Variants in ARL10 observed in about 807,000 individuals in gnomAD.
ARL10 encodes the protein ADP-ribosylation factor-like protein 10.
Under a neutral mutation model 26.1 loss-of-function variants are expected in ARL10, and 23 were observed. That is an observed-to-expected ratio of 0.88 (90% CI 0.63 to 1.25). The LOEUF is 1.25. Among genes scored for constraint, ARL10 ranks in the 50% most tolerant of loss-of-function variants. ARL10 has a pLI of 0.00. For synonymous variants in ARL10, 138 were observed against 149.1 expected, an observed-to-expected ratio of 0.93 and a Z score of 0.54; for missense variants, 300 against 323.6, an observed-to-expected ratio of 0.93 and a Z score of 0.56.
downstream of ARL10, among the ~76,000 whole-genome samples, chr5:176,382,452 G>A (rs903876527): frequency 5.3e-5 from 8 of 152,190 alleles, no homozygotes; most frequent in Non-Finnish European, 7.3e-5. Flanking sequence ...GGGTGGCAGC[G>A]AGCATGCAGA....
chr5:176,392,609 G>C, downstream of ARL10: 1 of 691,934 alleles, frequency 1.4e-6, no homozygotes, highest in Admixed American at 2.7e-5. This position sits in a 1 kb window ranked among gnomAD's most constrained non-coding sequence, Gnocchi z 5.2. Flanking sequence ...CCAGGAGGGA[G>C]CGAGGCGTGA....
At chr5:176,367,695 C>A (rs571604812) in intron 2 of ARL10, among the ~76,000 whole-genome samples, 116 of 152,370 alleles carry the variant, frequency 7.6e-4, no homozygotes, top group African/African-American at 2.6e-3. Flanking sequence ...GGAATGCTTT[C>A]CTCTGCCTCT....
chr5:176,394,275 A>G (rs1283678822), intron 1 of ARL10, among the ~76,000 whole-genome samples: 2 of 152,236 alleles, frequency 1.3e-5, no homozygotes, highest in Non-Finnish European at 2.9e-5. Context: ...TGGCATCAGC[A>G]TGACGACAGA....
chr5:176,395,253 AAGGTCTTGCATCTCT>A (rs1168939081), intron 1 of ARL10, among the ~76,000 whole-genome samples: 1 of 152,116 alleles, frequency 6.6e-6, no homozygotes, highest in African/African-American at 2.4e-5. Context: ...AGGTCAGCTG[AAGGTCTTGCATCTCT>A]GAAGCCTGCC....
At chr5:176,409,006 T>C in the ARL10 span, among the ~76,000 whole-genome samples, 1 of 152,180 alleles carries the variant, frequency 6.6e-6, no homozygotes, top group Non-Finnish European at 1.5e-5. Context: ...GATAGAGTTT[T>C]GCTCTTGTTG....
chr5:176,397,308 C>T (rs1756572420), intron 1 of ARL10, among the ~76,000 whole-genome samples: 1 of 150,332 alleles, frequency 6.7e-6, no homozygotes, highest in African/African-American at 2.5e-5. Flanking sequence ...CCCCACAGCC[C>T]CTCTCATGTC....
the ARL10 span, among the ~76,000 whole-genome samples, chr5:176,413,835 A>T: frequency 6.6e-6 from 1 of 152,120 alleles, no homozygotes; most frequent in Non-Finnish European, 1.5e-5. Flanking sequence ...CCAACTAAGG[A>T]GGGCAGCTGA....
the ARL10 span, among the ~76,000 whole-genome samples, chr5:176,407,090 C>G: frequency 1.3e-5 from 2 of 152,162 alleles, no homozygotes; most frequent in African/African-American, 2.4e-5. Context: ...AATAAGAGTT[C>G]TCACTCAGAT....
At chr5:176,403,251 T>C (rs922527312), downstream of ARL10, among the ~76,000 whole-genome samples, 3 of 152,056 alleles carry the variant, frequency 2.0e-5, no homozygotes, top group Non-Finnish European at 4.4e-5. Flanking sequence ...GGTTTTGCCA[T>C]GTTGGCCAGA....
chr5:176,405,745 C>T (rs1757082163), downstream of ARL10: 1 of 152,052 alleles, frequency 6.6e-6, no homozygotes, highest in African/African-American at 2.4e-5. Context: ...AGGGGCTGGG[C>T]TTTACATCCC....
At chr5:176,370,239 C>T (rs67345446) in intron 3 of ARL10, among the ~76,000 whole-genome samples, 17,644 of 152,214 alleles carry the variant, frequency 0.12, 1,077 homozygotes, top group Admixed American at 0.15. Flanking sequence ...TGGCATGTGG[C>T]AAAGCCCAAA....
downstream of ARL10, chr5:176,386,331 CCTTTAT>C (rs1311197945): frequency 5.4e-6 from 1 of 184,882 alleles, no homozygotes; most frequent in Non-Finnish European, 1.2e-5. Flanking sequence ...CCATTCAAAT[CCTTTAT>C]CTTTAGGGGA....
chr5:176,385,472 A>C, downstream of ARL10: 2 of 615,568 alleles, frequency 3.2e-6, no homozygotes, highest in Non-Finnish European at 5.9e-6. Flanking sequence ...CCCATTCCCA[A>C]ATCCATTGTT....
chr5:176,385,321 T>A (rs761394555), downstream of ARL10: 10 of 1,597,142 alleles, frequency 6.3e-6, no homozygotes, highest in African/African-American at 1.3e-4. Context: ...GGCTTCTGCC[T>A]CCAGGTCTGG....
chr5:176,374,663 A>G lies in ARL10; in HGVS notation c.*2768A>G, dbSNP rs1031274112. 1 of 152,252 alleles carries G rather than the reference A, an allele frequency of 6.6e-6. No individual in the cohort carries two copies. The highest frequency in any genetic ancestry group is 1.5e-5 in the Non-Finnish European group (1 of 68,036). The allele number at this position is 152,252 out of a possible 1,614,324, so 9.4% of individuals were successfully genotyped here. ...TCAGGGTATAATGGCAATTAAGGAC[A>G]TAGTTCACTATGAAGTACCTTAATT... On this transcript the variant is annotated 3_prime_UTR_variant, in exon 4 of 4. Coordinates refer to ENST00000310389, the MANE Select transcript of ARL10 (RefSeq NM_173664.6).
At chr5:176,393,507 T>A (rs1263389741), downstream of ARL10, among the ~76,000 whole-genome samples, 1 of 152,216 alleles carries the variant, frequency 6.6e-6, no homozygotes, top group East Asian at 1.9e-4. The surrounding 1 kb of genome is among the most constrained non-coding windows in gnomAD (Gnocchi z 4.4). Flanking sequence ...AAAGAGGATC[T>A]TTACAGCAAG....
rs1768260321 is a variant in ARL10, at chr5:176,365,715, C to G, written c.152C>G (p.Ala51Gly). The change falls in exon 1 of 4, where the codon GCT (alanine) becomes GGT (glycine). Residue 51 changes from alanine to glycine, a missense_variant. By Grantham distance (60) the Ala-to-Gly change is moderately conservative. Transcript: ENST00000310389. ...GGAGAGGCCTGGTGGGGCGCGGAGG[C>G]TGCCCGCCTCCCCGAGTGGGACGAG... ...DRGEAWWGAE[A>G]ARLPEWDEWD... 1 of 1,238,718 alleles carries G rather than the reference C, an allele frequency of 8.1e-7. No homozygotes were observed. The allele number at this position is 1,238,718 out of a possible 1,614,324, so 76.7% of individuals were successfully genotyped here.
chr5:176,398,107 G>C (rs2113637433), intron 1 of ARL10: 2 of 1,491,922 alleles, frequency 1.3e-6, no homozygotes, highest in Non-Finnish European at 1.9e-6. Flanking sequence ...TGTCTCTGCT[G>C]CCCCTGCTGG....
the ARL10 span, among the ~76,000 whole-genome samples, chr5:176,408,357 A>C: frequency 6.6e-6 from 1 of 151,886 alleles, no homozygotes; most frequent in African/African-American, 2.4e-5. Flanking sequence ...CAACATGATG[A>C]AACACCATCT....
Sources: allele counts gnomAD v4.1 joint callset (sites outside exome capture counted in the v4.1 genomes callset), GRCh38; gene constraint gnomAD v4.1.1; non-coding constraint Gnocchi (gnomAD v3.1); transcripts MANE v1.5; gene names NCBI Gene and HGNC (gene_info 2026-07-23, HGNC 2026-07-21).